ITGAM: variants seen among roughly 807,000 people sequenced by gnomAD.
ITGAM encodes integrin alpha-M.
ITGAM carries 79 observed loss-of-function variants against 137.5 expected under a neutral mutation model. The observed-to-expected ratio is 0.57, with a 90% CI of 0.48 to 0.69. The LOEUF (loss-of-function observed/expected upper bound fraction) is 0.69, where lower values mean the gene tolerates loss of function less well. Among genes scored for constraint, ITGAM ranks in the 30% least tolerant of loss-of-function variants. The pLI is 0.00. For synonymous variants in ITGAM, 583 were observed against 592.3 expected (o/e 0.98, Z 0.23); for missense variants, 1,343 against 1,483.5 (o/e 0.91, Z 1.56).
intron 12 of ITGAM, among the ~76,000 whole-genome samples, chr16:31,286,142 CTCCAGCTGCA>C (rs1236130198): frequency 6.6e-6 from 1 of 152,040 alleles, no homozygotes; most frequent in Non-Finnish European, 1.5e-5. Flanking sequence ...GGATTATAGC[CTCCAGCTGCA>C]TCCATGTTGC....
intron 12 of ITGAM, among the ~76,000 whole-genome samples, chr16:31,283,358 A>G (rs1481498486): frequency 1.3e-5 from 2 of 152,190 alleles, no homozygotes; most frequent in Non-Finnish European, 2.9e-5. Flanking sequence ...AGGTACACCA[A>G]TCAGACGTAG....
intron 12 of ITGAM, among the ~76,000 whole-genome samples, chr16:31,296,077 A>T (rs1208335140): frequency 6.6e-6 from 1 of 150,424 alleles, no homozygotes; most frequent in Non-Finnish European, 1.5e-5. Flanking sequence ...GGGATAAATC[A>T]CACTTGATCA....
chr16:31,311,570 C>A (rs1379558947), intron 14 of ITGAM, among the ~76,000 whole-genome samples: 1 of 152,160 alleles, frequency 6.6e-6, no homozygotes, highest in Non-Finnish European at 1.5e-5. Context: ...AAATGCAAAT[C>A]AAAACCACAA....
rs1373960255 is a variant in ITGAM, at chr16:31,273,453, C to G, written c.793C>G (p.Pro265Ala). 1.2e-6 allele frequency: 2 copies of G among 1,613,674 alleles called. No individual in the cohort carries two copies. The highest frequency in any genetic ancestry group is 1.7e-6 in the Non-Finnish European group (2 of 1,179,796). ...CACGGATGGAGAAAAGTTTGGCGAT[C>G]CCTTGGGATATGAGGATGTCATCCC... ...VITDGEKFGD[P>A]LGYEDVIPEA... The change falls in exon 8 of 30, where the codon CCC becomes GCC. Residue 265 changes from proline to alanine, a missense_variant. Physicochemically the swap from Pro to Ala is conservative, Grantham distance 27. Transcript: ENST00000544665.
intron 14 of ITGAM, among the ~76,000 whole-genome samples, chr16:31,306,596 C>T (rs1339553152): frequency 6.6e-6 from 1 of 151,850 alleles, no homozygotes; most frequent in East Asian, 1.9e-4. Context: ...TTACTGCAAC[C>T]TCTGCCTCCT....
At chr16:31,263,554 C>T (rs34550882) in intron 2 of ITGAM, among the ~76,000 whole-genome samples, 17,977 of 151,750 alleles carry the variant, frequency 0.12, 1,163 homozygotes, top group Middle Eastern at 0.19. Context: ...CTCTGCAGAT[C>T]GAGTAGGTGA....
At chr16:31,302,936 CTTTCTTTCT>C (rs2080226292) in intron 14 of ITGAM, among the ~76,000 whole-genome samples, 1 of 76,184 alleles carries the variant, frequency 1.3e-5, no homozygotes, top group Non-Finnish European at 2.8e-5. Flanking sequence ...TTCTTTCTTT[CTTTCTTTCT>C]TTCTTTCTTT....
chr16:31,330,988 A>C (rs1263809746), intron 28 of ITGAM, among the ~76,000 whole-genome samples, 177 bp from the exon 29 acceptor site: 3 of 150,546 alleles, frequency 2.0e-5, no homozygotes, highest in African/African-American at 4.9e-5. Context: ...GAGATAGAGG[A>C]CAGAGAAACG....
chr16:31,278,845 G>A (rs1050771677), intron 12 of ITGAM, among the ~76,000 whole-genome samples: 3 of 152,054 alleles, frequency 2.0e-5, no homozygotes, highest in African/African-American at 7.2e-5. Context: ...CCATTAGCTC[G>A]TCATTTACAT....
At chr16:31,275,327 T>A (rs971362833) in intron 8 of ITGAM, among the ~76,000 whole-genome samples, 2 of 152,202 alleles carry the variant, frequency 1.3e-5, no homozygotes, top group Non-Finnish European at 2.9e-5. Flanking sequence ...GCACAGCAGA[T>A]GGATCAGCAG....
At chr16:31,288,369 C>A (rs937822493) in intron 12 of ITGAM, among the ~76,000 whole-genome samples, 1 of 152,116 alleles carries the variant, frequency 6.6e-6, no homozygotes, top group Non-Finnish European at 1.5e-5. Context: ...GTTTCATGAC[C>A]TTTGGCACTA....
intron 7 of ITGAM, 98 bp downstream of exon 7, chr16:31,272,090 G>T (rs1001874097): frequency 1.1e-5 from 16 of 1,434,128 alleles, no homozygotes; most frequent in Admixed American, 1.8e-5. Context: ...GGTGGTAGAG[G>T]ATGCTTCCCC....
At chr16:31,304,322 T>C (rs911262995) in intron 14 of ITGAM, among the ~76,000 whole-genome samples, 3 of 152,220 alleles carry the variant, frequency 2.0e-5, no homozygotes, top group African/African-American at 7.2e-5. Flanking sequence ...ATTTGTTTTT[T>C]CCTTGCTGAT....
intron 12 of ITGAM, among the ~76,000 whole-genome samples, chr16:31,290,977 A>G (rs2080081224): frequency 6.6e-6 from 1 of 152,230 alleles, no homozygotes; most frequent in South Asian, 2.1e-4. Flanking sequence ...ACAATAGCAT[A>G]AAATACCATG....
At chr16:31,305,796 C>T (rs1442595238) in intron 14 of ITGAM, among the ~76,000 whole-genome samples, 3 of 152,084 alleles carry the variant, frequency 2.0e-5, no homozygotes, top group East Asian at 1.9e-4. Context: ...ACCATTCCTG[C>T]GTCCTTGGGA....
chr16:31,301,461 C>T (rs1266034143), intron 14 of ITGAM, among the ~76,000 whole-genome samples: 1 of 152,114 alleles, frequency 6.6e-6, no homozygotes, highest in Non-Finnish European at 1.5e-5. Context: ...ATTTTAAGTA[C>T]TATAACTTTG....
At chr16:31,286,197 G>T (rs918396953) in intron 12 of ITGAM, among the ~76,000 whole-genome samples, 6 of 151,730 alleles carry the variant, frequency 4.0e-5, no homozygotes, top group Non-Finnish European at 5.9e-5. Flanking sequence ...TTTTTATGGT[G>T]GCGTAGTATT....
Position 31,331,615 on chromosome 16 carries a change from C to T in ITGAM, c.3388-21C>T, listed in dbSNP as rs764728687. 38 of 1,573,544 alleles carry T rather than the reference C, an allele frequency of 2.4e-5. No homozygotes were observed. The East Asian group carries it at 8.6e-4, about 36-fold the overall frequency. On this transcript the variant is annotated intron_variant, in intron 29 of 29. Transcript: ENST00000544665. ...CGCTCCCTGGCTGCTGTCGCTCTCA[C>T]TGCCCTCCTCTGCCCCGCAGCTCGG...
rs1443442107 is a variant in ITGAM, at chr16:31,302,234, A to G, written c.1707+4280A>G. The stretch of plus-strand genomic sequence containing the variant: ...GCTCATCTGTTGTGCAATAGCAGGC[A>G]TCGGGCTCTGTGAGTGCCTTTCAGA... On this transcript the variant is annotated intron_variant, in intron 14 of 29. Coordinates refer to ENST00000544665, the MANE Select transcript of ITGAM (RefSeq NM_000632.4). 3.3e-5 allele frequency among the ~76,000 whole-genome samples: 5 copies of G among 152,196 alleles called. No individual in the cohort carries two copies. The East Asian group carries it at 9.6e-4, about 29-fold the overall frequency.
Sources: gnomAD v4.1 joint callset for allele counts (sites outside exome capture counted in the v4.1 genomes callset) on GRCh38, gnomAD v4.1.1 for gene constraint, MANE v1.5 for transcripts, NCBI Gene and HGNC (gene_info 2026-07-23, HGNC 2026-07-21) for gene names.